The following SLC4A5 variants were observed in gnomAD, a reference collection of about 807,000 sequenced individuals.
The protein encoded by SLC4A5 is solute carrier family 4 member 5.
SLC4A5 carries 96 observed loss-of-function variants against 120.4 expected under a neutral mutation model. The observed-to-expected ratio is 0.80, with a 90% CI of 0.68 to 0.94. SLC4A5 has a LOEUF of 0.94. Among genes scored for constraint, SLC4A5 ranks in the 40% least tolerant of loss-of-function variants. The pLI is 0.00. For synonymous variants in SLC4A5, 550 were observed against 571.1 expected (o/e 0.96, Z 0.53); for missense variants, 1,259 against 1,459.5 (o/e 0.86, Z 2.24).
rs771378365 is a variant in SLC4A5 at position 74,248,342 on chromosome 2, G to A, written c.1787+11C>T. 2.5e-6 allele frequency: 4 copies of A among 1,613,492 alleles called. No individual in the cohort carries two copies. The highest frequency in any genetic ancestry group is 3.4e-6 in the Non-Finnish European group (4 of 1,179,766). ...GAGAGCAGGCACTGGGGGCCACCAA[G>A]GGACACCTACTTGCTGAAGTCGAAG... On this transcript the variant is annotated intron_variant, in intron 18 of 30. Transcript: ENST00000394019.
chr2:74,293,094 C>A (rs548179837), intron 7 of SLC4A5, among the ~76,000 whole-genome samples: 5 of 152,028 alleles, frequency 3.3e-5, no homozygotes, highest in South Asian at 4.2e-4. Flanking sequence ...TGGGGGGATT[C>A]GGGTGACTCC....
intron 4 of SLC4A5, among the ~76,000 whole-genome samples, chr2:74,328,795 C>T (rs1573109269): frequency 6.6e-6 from 1 of 152,118 alleles, no homozygotes; most frequent in East Asian, 1.9e-4. Context: ...ATTGCAAGTA[C>T]CTAAATGTTC....
At chr2:74,310,503 AT>A (rs1173290416) in intron 6 of SLC4A5, among the ~76,000 whole-genome samples, 2 of 152,144 alleles carry the variant, frequency 1.3e-5, no homozygotes, top group African/African-American at 4.8e-5. Flanking sequence ...GCAAGTTTTT[AT>A]TATGAATAGG....
rs199735763 is a variant in SLC4A5 at position 74,264,420 on chromosome 2, C to T, written c.563-121G>A. On this transcript the variant is annotated intron_variant, in intron 9 of 30. Transcript: ENST00000394019. ...TGGCAGAGGGGGTGTGGAAGTACTC[C>T]TGGCTTTGCCACTAGCTGTGGAAAA... 6.0e-5 allele frequency: 71 copies of T among 1,186,204 alleles called. No individual in the cohort carries two copies. In the East Asian group the frequency reaches 1.8e-3, roughly 30 times the overall value. The allele number at this position is 1,186,204 out of a possible 1,614,324, so 73.5% of individuals were successfully genotyped here. A position where few individuals can be genotyped will look rare whatever the true frequency, so the allele number is the denominator to read the frequency against.
intron 5 of SLC4A5, among the ~76,000 whole-genome samples, chr2:74,324,616 G>A (rs2104323942): frequency 6.6e-6 from 1 of 152,250 alleles, no homozygotes; most frequent in Middle Eastern, 3.4e-3. Context: ...GGGTCAGTTG[G>A]TGATTTTTAA....
At chr2:74,341,381 CAT>C (rs1673621459) in intron 2 of SLC4A5, among the ~76,000 whole-genome samples, 1 of 151,470 alleles carries the variant, frequency 6.6e-6, no homozygotes, top group African/African-American at 2.4e-5. Flanking sequence ...GATTTTACCA[CAT>C]AAGTCATGTT....
At chr2:74,291,480 C>A (rs971156656) in intron 7 of SLC4A5, among the ~76,000 whole-genome samples, 7 of 152,146 alleles carry the variant, frequency 4.6e-5, no homozygotes, top group Non-Finnish European at 7.4e-5. Context: ...AAAACCAAGA[C>A]CCAGTTTACC....
intron 27 of SLC4A5, among the ~76,000 whole-genome samples, chr2:74,226,482 T>C (rs1443651860): frequency 1.3e-5 from 2 of 152,232 alleles, no homozygotes; most frequent in Non-Finnish European, 1.5e-5. Context: ...TCAAGCTTTA[T>C]ATATACCATC....
At position 74,233,397 on chromosome 2, in the gene SLC4A5, C is replaced by T. The variant is rs1573009223; in HGVS notation, c.2595+5G>A. ...TTATGCCTCTGCTCCTAGTACCGGC[C>T]TTACCTTCAGTTTGTTCTCCTTCCG... On this transcript the variant is annotated splice_donor_5th_base_variant and intron_variant, in intron 23 of 30. Coordinates refer to ENST00000394019, the Ensembl canonical transcript of SLC4A5. The T allele has an allele frequency of 1.9e-6, 3 of 1,614,156 alleles. No homozygotes were observed. In the African/African-American group the frequency reaches 4.0e-5, roughly 22 times the overall value.
intron 8 of SLC4A5, among the ~76,000 whole-genome samples, chr2:74,267,465 T>C (rs1444825697): frequency 6.6e-6 from 1 of 152,020 alleles, no homozygotes; most frequent in East Asian, 1.9e-4. Flanking sequence ...CCCCCAGAAA[T>C]AAATAAAAAA....
exon 31 of SLC4A5, chr2:74,218,668 C>A (rs1047510578): frequency 6.6e-6 from 1 of 152,658 alleles, no homozygotes; most frequent in African/African-American, 2.4e-5. Flanking sequence ...CGGTATTTAT[C>A]CATGTCTGTG....
intron 19 of SLC4A5, among the ~76,000 whole-genome samples, chr2:74,243,074 A>G (rs1670497035): frequency 6.6e-6 from 1 of 152,250 alleles, no homozygotes; most frequent in Non-Finnish European, 1.5e-5. Context: ...CTGAAGCAGA[A>G]TCGGGAACCC....
chr2:74,237,082 T>C (rs1670292547), intron 21 of SLC4A5, among the ~76,000 whole-genome samples: 1 of 151,548 alleles, frequency 6.6e-6, no homozygotes, highest in Admixed American at 6.6e-5. Context: ...GTTCATGCCA[T>C]TCTCCTGCCT....
intron 5 of SLC4A5, among the ~76,000 whole-genome samples, chr2:74,317,397 C>G (rs1263341946): frequency 6.6e-6 from 1 of 152,024 alleles, no homozygotes; most frequent in Non-Finnish European, 1.5e-5. Flanking sequence ...GATTAGACAG[C>G]CTCTACATAT....
intron 25 of SLC4A5, among the ~76,000 whole-genome samples, chr2:74,229,270 C>T (rs974709917): frequency 2.8e-5 from 4 of 141,810 alleles, no homozygotes; most frequent in South Asian, 2.2e-4. Context: ...GGGGGGGGCA[C>T]GGAGTCTCAC....
chr2:74,311,800 T>C (rs543055669), intron 6 of SLC4A5, among the ~76,000 whole-genome samples: 1 of 152,358 alleles, frequency 6.6e-6, no homozygotes, highest in South Asian at 2.1e-4. Context: ...AAGTATTCTA[T>C]AAATGTCAAT....
chr2:74,310,193 T>C (rs1440223034), intron 6 of SLC4A5, among the ~76,000 whole-genome samples: 1 of 152,142 alleles, frequency 6.6e-6, no homozygotes, highest in Non-Finnish European at 1.5e-5. Context: ...GTTATGGGAG[T>C]TGTTTGGTAA....
intron 16 of SLC4A5, chr2:74,250,750 G>A (rs1670765357): frequency 3.9e-6 from 2 of 510,254 alleles, no homozygotes; most frequent in Non-Finnish European, 7.1e-6. Context: ...TTTGGAGAGG[G>A]AAAGTCTGAT....
intron 26 of SLC4A5, chr2:74,227,562 C>T: frequency 1.2e-6 from 2 of 1,610,086 alleles, no homozygotes; most frequent in Non-Finnish European, 1.7e-6. Context: ...CTCCGGTCCC[C>T]ATCTGTAAAA....
Sources: gnomAD v4.1 joint callset for allele counts (sites outside exome capture counted in the v4.1 genomes callset) on GRCh38, gnomAD v4.1.1 for gene constraint, MANE v1.5 for transcripts, NCBI Gene and HGNC (gene_info 2026-07-23, HGNC 2026-07-21) for gene names.